Variants in OR1J2 observed in about 807,000 individuals in gnomAD.
OR1J2 encodes olfactory receptor family 1 subfamily J member 2.
For synonymous variants in OR1J2, 142 were observed against 99.7 expected, an observed-to-expected ratio of 1.42 and a Z score of -2.52; for missense variants, 304 against 246.1, an observed-to-expected ratio of 1.24 and a Z score of -1.57.
chr9:122,511,424 C>A lies in OR1J2; in HGVS notation c.623C>A (p.Thr208Asn). ...VMFTVGVVVI[T>N]LPFMCILVSY... ...TTCACAGTAGGGGTGGTGGTCATTA[C>A]CCTGCCATTCATGTGTATCCTGGTA... The change falls in exon 1 of 1, where the codon ACC (threonine) becomes AAC (asparagine). Residue 208 changes from threonine to asparagine, a missense_variant. Physicochemically the swap from Thr to Asn is moderately conservative, Grantham distance 65 (BLOSUM62 0). Transcript: ENST00000335302. 1.3e-6 allele frequency: 1 copy of A among 773,058 alleles called. No individual in the cohort carries two copies. The highest frequency in any genetic ancestry group is 2.4e-6 in the Non-Finnish European group (1 of 414,488). The allele number at this position is 773,058 out of a possible 1,614,324, so 47.9% of individuals were successfully genotyped here. A position where few individuals can be genotyped will look rare whatever the true frequency, so the allele number is the denominator to read the frequency against.
At chr9:122,553,325 C>T in the OR1J2 span, 1 of 1,613,972 alleles carries the variant, frequency 6.2e-7, no homozygotes, top group Non-Finnish European at 8.5e-7. Context: ...TTGGCATGTA[C>T]CTGGTCACCA....
At chr9:122,506,008 C>A (rs1461990872), upstream of OR1J2, among the ~76,000 whole-genome samples, 2 of 152,150 alleles carry the variant, frequency 1.3e-5, no homozygotes, top group Non-Finnish European at 2.9e-5. Context: ...TGTATTTCCT[C>A]ATGTTCACCG....
At chr9:122,471,575 A>C in the OR1J2 span, among the ~76,000 whole-genome samples, 1 of 152,130 alleles carries the variant, frequency 6.6e-6, no homozygotes, top group Non-Finnish European at 1.5e-5. Flanking sequence ...ATAAAGAATG[A>C]CCCTTATGCG....
At chr9:122,489,573 C>CA in the OR1J2 span, among the ~76,000 whole-genome samples, 1 of 152,028 alleles carries the variant, frequency 6.6e-6, no homozygotes, top group Non-Finnish European at 1.5e-5. Flanking sequence ...TCAAGGAACA[C>CA]AAAAAGATCA....
At chr9:122,519,183 C>T in the OR1J2 span, 1 of 1,613,340 alleles carries the variant, frequency 6.2e-7, no homozygotes, top group South Asian at 1.1e-5. Flanking sequence ...GTTCCTCCTC[C>T]TGGACCTCCC....
the OR1J2 span, among the ~76,000 whole-genome samples, chr9:122,469,672 G>A: frequency 4.3e-4 from 65 of 152,302 alleles, no homozygotes; most frequent in African/African-American, 1.4e-3. Context: ...GGAAAATGTG[G>A]GAAAGTTTGG....
chr9:122,469,534 T>C, the OR1J2 span, among the ~76,000 whole-genome samples: 1 of 152,108 alleles, frequency 6.6e-6, no homozygotes. Flanking sequence ...TGCATGAAAA[T>C]GGACTAATAC....
At chr9:122,525,218 G>A in the OR1J2 span, among the ~76,000 whole-genome samples, 9 of 152,266 alleles carry the variant, frequency 5.9e-5, no homozygotes, top group Middle Eastern at 3.4e-3. Flanking sequence ...TGGAATCCTC[G>A]CGTACTAAGA....
chr9:122,526,344 T>G, the OR1J2 span: 17 of 1,437,134 alleles, frequency 1.2e-5, no homozygotes, highest in Non-Finnish European at 1.6e-5. Context: ...CATTAAATGT[T>G]GCTGTCACCA....
At chr9:122,457,663 T>C in the OR1J2 span, among the ~76,000 whole-genome samples, 3 of 151,866 alleles carry the variant, frequency 2.0e-5, no homozygotes, top group East Asian at 1.9e-4. Context: ...TTAAAAAATA[T>C]GGGCAAAGAA....
At chr9:122,577,521 G>GTT in the OR1J2 span, among the ~76,000 whole-genome samples, 1 of 152,078 alleles carries the variant, frequency 6.6e-6, no homozygotes, top group Non-Finnish European at 1.5e-5. Flanking sequence ...AAGAATACAA[G>GTT]GTTCAGTAAG....
At chr9:122,482,814 C>G in the OR1J2 span, among the ~76,000 whole-genome samples, 2 of 152,036 alleles carry the variant, frequency 1.3e-5, no homozygotes, top group African/African-American at 4.8e-5. Context: ...ATAAGTTGAT[C>G]TCAAAAAAGC....
At chr9:122,519,838 G>C in the OR1J2 span, 38 of 1,613,936 alleles carry the variant, frequency 2.4e-5, no homozygotes, top group Middle Eastern at 1.6e-4. Context: ...TCTACTAAGG[G>C]CATCTTCAAA....
chr9:122,525,238 T>G, the OR1J2 span, among the ~76,000 whole-genome samples: 1 of 152,204 alleles, frequency 6.6e-6, no homozygotes, highest in Non-Finnish European at 1.5e-5. Flanking sequence ...ATGTGGCATC[T>G]AAATGATTCA....
chr9:122,501,255 A>G, the OR1J2 span, among the ~76,000 whole-genome samples: 2 of 152,166 alleles, frequency 1.3e-5, no homozygotes, highest in African/African-American at 4.8e-5. Context: ...TTTCATAGGA[A>G]AGACTATGGT....
the OR1J2 span, among the ~76,000 whole-genome samples, chr9:122,517,013 T>C: frequency 6.6e-6 from 1 of 152,208 alleles, no homozygotes; most frequent in Admixed American, 6.5e-5. Flanking sequence ...GAGAAACTGA[T>C]ATAAATTGGT....
At chr9:122,565,091 C>A in the OR1J2 span, among the ~76,000 whole-genome samples, 1 of 152,130 alleles carries the variant, frequency 6.6e-6, no homozygotes, top group Non-Finnish European at 1.5e-5. Context: ...TCCAGATAGC[C>A]CTTTTAAGGT....
At chr9:122,499,524 G>T in the OR1J2 span, among the ~76,000 whole-genome samples, 1 of 152,102 alleles carries the variant, frequency 6.6e-6, no homozygotes, top group Admixed American at 6.5e-5. Flanking sequence ...CACAGGAGGG[G>T]TGGAGGCAAC....
chr9:122,533,929 GTCAA>G, the OR1J2 span, among the ~76,000 whole-genome samples: 2 of 152,224 alleles, frequency 1.3e-5, no homozygotes, highest in South Asian at 2.1e-4. Context: ...CTGGGAAGGA[GTCAA>G]TCAGAGAGCC....
Sources: gnomAD v4.1 joint callset for allele counts (sites outside exome capture counted in the v4.1 genomes callset) on GRCh38, gnomAD v4.1.1 for gene constraint, MANE v1.5 for transcripts, NCBI Gene and HGNC (gene_info 2026-07-23, HGNC 2026-07-21) for gene names.